The following MICU1 variants were observed in gnomAD, a reference collection of about 807,000 sequenced individuals.
The protein encoded by MICU1 is calcium uptake protein 1, mitochondrial.
MICU1 carries 45 observed loss-of-function variants against 56.8 expected under a neutral mutation model. The ratio of observed to expected loss-of-function variants is 0.79; its 90% CI spans 0.62 to 1.02. The LOEUF (loss-of-function observed/expected upper bound fraction) is 1.02. MICU1 is among the 50% of genes least tolerant of loss of function. The probability of loss-of-function intolerance (pLI) is 0.00; values close to 1 mark genes in which losing one functional copy is unlikely to be tolerated. For synonymous variants in MICU1, 186 were observed against 195.1 expected, an observed-to-expected ratio of 0.95 and a Z score of 0.39; for missense variants, 504 against 587.1, an observed-to-expected ratio of 0.86 and a Z score of 1.46.
chr10:72,404,263 C>T (rs1360288143), intron 10 of MICU1, among the ~76,000 whole-genome samples: 1 of 152,098 alleles, frequency 6.6e-6, no homozygotes, highest in Non-Finnish European at 1.5e-5. Context: ...GAATTACAGG[C>T]GTGAGCCACC....
At chr10:72,371,825 G>T (rs1202589042) in intron 11 of MICU1, among the ~76,000 whole-genome samples, 1 of 152,094 alleles carries the variant, frequency 6.6e-6, no homozygotes, top group East Asian at 1.9e-4. Context: ...GGAGGTTGAG[G>T]TGGGAGTATC....
At chr10:72,619,028 A>G (rs1249908620) in intron 1 of MICU1, among the ~76,000 whole-genome samples, 1 of 152,236 alleles carries the variant, frequency 6.6e-6, no homozygotes, top group Non-Finnish European at 1.5e-5. Flanking sequence ...GTGGTAGAAT[A>G]TGTGGATGGA....
chr10:72,601,613 C>T (rs1841537608), intron 1 of MICU1, among the ~76,000 whole-genome samples: 1 of 151,542 alleles, frequency 6.6e-6, no homozygotes, highest in Non-Finnish European at 1.5e-5. Context: ...AGATTAACAA[C>T]AAAAGAGCAT....
At chr10:72,617,495 T>G (rs1842010251) in intron 1 of MICU1, among the ~76,000 whole-genome samples, 1 of 152,126 alleles carries the variant, frequency 6.6e-6, no homozygotes, top group South Asian at 2.1e-4. Context: ...TTACTCCCAT[T>G]TCACTGATAA....
chr10:72,413,648 T>C (rs557021264), intron 9 of MICU1, among the ~76,000 whole-genome samples: 14 of 152,118 alleles, frequency 9.2e-5, no homozygotes, highest in Admixed American at 4.6e-4. Flanking sequence ...GCAGGATAAC[T>C]GCTTGAACCT....
rs1325855500 is a variant in MICU1, at chr10:72,529,402, T to C, written c.537+4344A>G. Among the ~76,000 whole-genome samples, 6 of 152,330 alleles carry C rather than the reference T, an allele frequency of 3.9e-5. No individual in the cohort carries two copies. The East Asian group carries it at 5.8e-4, about 15-fold the overall frequency. On this transcript the variant is annotated intron_variant, in intron 5 of 11. Coordinates refer to ENST00000361114, the MANE Select transcript of MICU1 (RefSeq NM_001195518.2). ...GATGATAATGAACAATTGGTTTCAA[T>C]AGACAATTTTATTGCTTGAAAATAG...
chr10:72,565,407 C>A (rs1463532349), intron 2 of MICU1, among the ~76,000 whole-genome samples: 2 of 145,738 alleles, frequency 1.4e-5, no homozygotes, highest in Non-Finnish European at 3.0e-5. Context: ...CCAAACACTG[C>A]ATGTTCTCAC....
intron 8 of MICU1, among the ~76,000 whole-genome samples, chr10:72,440,647 T>C (rs1465171012): frequency 2.0e-5 from 3 of 152,212 alleles, no homozygotes; most frequent in African/African-American, 4.8e-5. Context: ...TGCAATCTAC[T>C]CATCTGACAA....
rs16929859 is a variant in MICU1 at position 72,449,665 on chromosome 10, T to A, written c.933+25435A>T. Reference sequence around the variant, plus strand: ...ATTAAGGTTTTCTTTAGTTTTTTTTTAAAAGCAACTTAAGAAACATAAACG... The same window carrying A: ...ATTAAGGTTTTCTTTAGTTTTTTTTAAAAAGCAACTTAAGAAACATAAACG... On this transcript the variant is annotated intron_variant, in intron 8 of 11. Coordinates refer to ENST00000361114, the MANE Select transcript of MICU1 (RefSeq NM_001195518.2). 9.1e-3 allele frequency among the ~76,000 whole-genome samples: 1,385 copies of A among 152,268 alleles called. 25 individuals carry two copies. The highest frequency in any genetic ancestry group is 0.031 in the African/African-American group (1,283 of 41,524).
At chr10:72,523,046 A>C (rs1162122495) in intron 5 of MICU1, among the ~76,000 whole-genome samples, 1 of 152,216 alleles carries the variant, frequency 6.6e-6, no homozygotes, top group Non-Finnish European at 1.5e-5. Context: ...TTTGTCACCT[A>C]GTGTGGTTGA....
chr10:72,523,422 T>C (rs997676998), intron 5 of MICU1, among the ~76,000 whole-genome samples: 1 of 152,234 alleles, frequency 6.6e-6, no homozygotes, highest in Non-Finnish European at 1.5e-5. Flanking sequence ...TTTGTTGGTT[T>C]GGTTCAGAAT....
At chr10:72,512,100 GTTTTTTGTTTTTTTTT>G (rs1349325460) in intron 5 of MICU1, among the ~76,000 whole-genome samples, 5 of 82,336 alleles carry the variant, frequency 6.1e-5, no homozygotes, top group South Asian at 4.5e-4. Context: ...ATACACAGTT[GTTTTTTGTTTTTTTTT>G]TTTTTTTTTT....
chr10:72,453,936 A>C (rs753517116), intron 8 of MICU1, among the ~76,000 whole-genome samples: 1 of 151,858 alleles, frequency 6.6e-6, no homozygotes, highest in Admixed American at 6.6e-5. Context: ...CCCTGGTTCA[A>C]GCGATTTTCT....
At chr10:72,624,512 A>C (rs1180882079) in intron 1 of MICU1, among the ~76,000 whole-genome samples, 1 of 152,232 alleles carries the variant, frequency 6.6e-6, no homozygotes, top group African/African-American at 2.4e-5. Flanking sequence ...GTTAGTCTCA[A>C]GATGCACTTC....
In MICU1 at chr10:72,410,975, T is replaced by G. The variant is rs536600920; in HGVS notation, c.1072-2938A>C. Among the ~76,000 whole-genome samples the G allele has an allele frequency of 3.9e-5, 6 of 152,314 alleles. No individual in the cohort carries two copies. The South Asian group carries it at 1.2e-3, about 32-fold the overall frequency. On this transcript the variant is annotated intron_variant, in intron 9 of 11. Transcript: ENST00000361114. The stretch of plus-strand genomic sequence containing the variant: ...TGGAGGCAACCCAATAGTCTACTGA[T>G]GGATGAATGGATAAACAAAATGCGG...
intron 8 of MICU1, among the ~76,000 whole-genome samples, chr10:72,455,925 G>C (rs534592726): frequency 6.6e-6 from 1 of 152,150 alleles, no homozygotes; most frequent in Non-Finnish European, 1.5e-5. Context: ...GTATTGGATA[G>C]TCTGGATTAT....
chr10:72,593,438 C>T lies in MICU1; in HGVS notation c.-1-26644G>A, dbSNP rs1052191154. Among the ~76,000 whole-genome samples the T allele has an allele frequency of 5.9e-5, 9 of 151,386 alleles. No individual in the cohort carries two copies. The South Asian group carries it at 8.3e-4, about 14-fold the overall frequency. ...AACATGGCGAAACCCTGGCTCTAAT[C>T]GCTTGAACCTGGGAGATGGAGGTTG... is the stretch of plus-strand genomic sequence containing the variant. On this transcript the variant is annotated intron_variant, in intron 1 of 11. Transcript: ENST00000361114.
At chr10:72,450,876 C>A (rs1005675090) in intron 8 of MICU1, among the ~76,000 whole-genome samples, 3 of 151,902 alleles carry the variant, frequency 2.0e-5, no homozygotes, top group African/African-American at 7.3e-5. Context: ...AGCTGTGCAC[C>A]ACCACATCTG....
intron 1 of MICU1, among the ~76,000 whole-genome samples, chr10:72,603,031 C>T (rs984538720): frequency 9.2e-5 from 14 of 151,970 alleles, no homozygotes; most frequent in Non-Finnish European, 5.9e-5. Flanking sequence ...AGGAGAATGG[C>T]GTGAACCCAG....
Sources: gnomAD v4.1 joint callset for allele counts (sites outside exome capture counted in the v4.1 genomes callset) on GRCh38, gnomAD v4.1.1 for gene constraint, MANE v1.5 for transcripts, NCBI Gene and HGNC (gene_info 2026-07-23, HGNC 2026-07-21) for gene names.